The following MDN1 variants were observed in gnomAD, a reference collection of about 807,000 sequenced individuals.
MDN1 encodes the protein midasin AAA ATPase 1.
In MDN1, 266 loss-of-function variants were observed where a neutral mutation model predicts 669.2. That is an observed-to-expected ratio of 0.40 (90% confidence interval 0.36 to 0.44). The LOEUF is 0.44. MDN1 is among the 20% of genes least tolerant of loss of function. The pLI is 1.00. For synonymous variants in MDN1, 2,385 were observed against 2,457.1 expected (o/e 0.97, Z 0.87); for missense variants, 5,940 against 6,754.0 (o/e 0.88, Z 4.22).
chr6:89,683,335 C>T lies in MDN1; in HGVS notation c.11904-5G>A, dbSNP rs374140007. ...TTCATGAATTTAAAGAGTGTCCTGT[C>T]CCCAGGTAATGACAGAGATAAGAAG... On this transcript the variant is annotated splice_polypyrimidine_tract_variant and splice_region_variant and intron_variant, in intron 72 of 101. Transcript: ENST00000369393. The T allele has an allele frequency of 1.1e-5, 17 of 1,613,094 alleles. No homozygotes were observed. In the African/African-American group the frequency reaches 2.1e-4, roughly 20 times the overall value.
intron 36 of MDN1, 117 bp downstream of exon 36, chr6:89,728,814 G>T: frequency 8.7e-7 from 1 of 1,152,842 alleles, no homozygotes; most frequent in Non-Finnish European, 1.2e-6. Context: ...GAAAAGAAAA[G>T]AAAAGAAAAA....
chr6:89,726,890 C>A (rs1815271701), intron 37 of MDN1, among the ~76,000 whole-genome samples: 1 of 152,116 alleles, frequency 6.6e-6, no homozygotes, highest in South Asian at 2.1e-4. Flanking sequence ...AGCACAAACA[C>A]TTCTGTATAT....
Position 89,694,288 on chromosome 6 carries a change from G to C in MDN1, c.9772-105C>G. 4.4e-6 allele frequency: 4 copies of C among 912,902 alleles called. No homozygotes were observed. The South Asian group carries it at 5.7e-5, about 13-fold the overall frequency. The allele number at this position is 912,902 out of a possible 1,614,324, so 56.6% of individuals were successfully genotyped here. On this transcript the variant is annotated intron_variant, in intron 61 of 101. Coordinates refer to ENST00000369393, the MANE Select transcript of MDN1 (RefSeq NM_014611.3). ...GAGGAACAAGATGGAAGGAATCTGGGTTCCTGAATGACCCAAGGAGAGGTG... is the reference window on the plus strand; with the variant it reads ...GAGGAACAAGATGGAAGGAATCTGGCTTCCTGAATGACCCAAGGAGAGGTG...
chr6:89,676,579 CAG>C (rs943256597), intron 76 of MDN1, among the ~76,000 whole-genome samples: 1 of 152,158 alleles, frequency 6.6e-6, no homozygotes, highest in Non-Finnish European at 1.5e-5. Flanking sequence ...GGGGAAGACA[CAG>C]GGGTTGTTGA....
At chr6:89,795,161 T>C (rs1408791160) in intron 2 of MDN1, among the ~76,000 whole-genome samples, 4 of 152,182 alleles carry the variant, frequency 2.6e-5, no homozygotes, top group Non-Finnish European at 4.4e-5. Flanking sequence ...GGGTACTTAA[T>C]GTAAGTGTTT....
At chr6:89,788,000 T>G (rs769425892) in intron 7 of MDN1, 43 bp from the exon 8 acceptor site, 2 of 1,490,464 alleles carry the variant, frequency 1.3e-6, no homozygotes, top group South Asian at 1.2e-5. Flanking sequence ...GTAAAGCTAT[T>G]AAGACAGAAA....
chr6:89,771,538 A>C (rs1444519371), intron 15 of MDN1, 23 bp downstream of exon 15: 2 of 1,598,578 alleles, frequency 1.3e-6, no homozygotes, highest in Non-Finnish European at 8.5e-7. Context: ...AAAAATAAGA[A>C]AAAAATTTTA....
chr6:89,803,890 C>CTTTCT (rs377468650), intron 1 of MDN1, among the ~76,000 whole-genome samples: 1,200 of 92,962 alleles, frequency 0.013, 91 homozygotes, highest in East Asian at 0.042. Context: ...CTTTTCTTTT[C>CTTTCT]TTTTCTTTTT....
intron 69 of MDN1, 81 bp from the exon 70 acceptor site, chr6:89,686,054 G>A: frequency 7.2e-7 from 1 of 1,384,620 alleles, no homozygotes; most frequent in South Asian, 1.4e-5. Flanking sequence ...ATCTATTTGG[G>A]ATACTACGGA....
intron 1 of MDN1, among the ~76,000 whole-genome samples, chr6:89,813,078 T>G (rs1415362530): frequency 1.3e-5 from 2 of 152,108 alleles, no homozygotes; most frequent in Non-Finnish European, 2.9e-5. Context: ...GTAGCTGGGA[T>G]TATAGGCATG....
intron 101 of MDN1, among the ~76,000 whole-genome samples, chr6:89,644,658 A>C (rs1279936399): frequency 6.6e-6 from 1 of 152,204 alleles, no homozygotes; most frequent in Non-Finnish European, 1.5e-5. Flanking sequence ...CTCCATTTCA[A>C]AGTGGTCAGT....
At chr6:89,743,781 T>A in intron 29 of MDN1, 67 bp from the exon 30 acceptor site, 1 of 1,415,598 alleles carries the variant, frequency 7.1e-7, no homozygotes, top group Middle Eastern at 1.8e-4. Flanking sequence ...ACACCCCCCC[T>A]CAGCAAAAGA....
Position 89,671,997 on chromosome 6 carries a change from G to A in MDN1, c.13794+203C>T, listed in dbSNP as rs534661205. Among the ~76,000 whole-genome samples the A allele has an allele frequency of 9.8e-5, 15 of 152,332 alleles. No individual in the cohort carries two copies. In the South Asian group the frequency reaches 3.1e-3, roughly 32 times the overall value. On this transcript the variant is annotated intron_variant, in intron 82 of 101. Coordinates refer to ENST00000369393, the MANE Select transcript of MDN1 (RefSeq NM_014611.3). ...GAATGGTTAGCATTTCTGCACCTATGCATCTAACAATTAGCTAGCAAGCCC... is the reference window on the plus strand; with the variant it reads ...GAATGGTTAGCATTTCTGCACCTATACATCTAACAATTAGCTAGCAAGCCC...
intron 62 of MDN1, 43 bp from the exon 63 acceptor site, chr6:89,693,191 G>T: frequency 7.1e-7 from 1 of 1,402,868 alleles, no homozygotes; most frequent in South Asian, 1.4e-5. Context: ...GTCAGAAGAA[G>T]AGCAGCAAAT....
At position 89,665,491 on chromosome 6, in the gene MDN1, G is replaced by A. The variant is rs6906342; in HGVS notation, c.14095-863C>T. 6.3e-3 allele frequency among the ~76,000 whole-genome samples: 877 copies of A among 139,144 alleles called. 10 individuals are homozygous for A. The highest frequency in any genetic ancestry group is 0.022 in the African/African-American group (833 of 37,234). The allele number at this position is 139,144 out of a possible 152,430, so 91.3% of individuals were successfully genotyped here. A position where few individuals can be genotyped will look rare whatever the true frequency, so the allele number is the denominator to read the frequency against. On this transcript the variant is annotated intron_variant, in intron 84 of 101. Transcript: ENST00000369393. ...TGGGAGGCTGAGGCGGGTGGATCAC[G>A]CAGTCAGGAGTTTGAGACCAGCCTG...
chr6:89,713,749 T>C (rs1472781938), intron 46 of MDN1, among the ~76,000 whole-genome samples: 1 of 152,076 alleles, frequency 6.6e-6, no homozygotes, highest in Non-Finnish European at 1.5e-5. Flanking sequence ...GCAGAACTAA[T>C]GTAAAGATTA....
chr6:89,749,907 G>A (rs1482428937), intron 24 of MDN1, among the ~76,000 whole-genome samples, 156 bp from the exon 25 acceptor site: 3 of 152,190 alleles, frequency 2.0e-5, no homozygotes, highest in Non-Finnish European at 4.4e-5. Context: ...TGACACTGCA[G>A]ATCAAGGAGG....
At chr6:89,805,331 G>A (rs1468986185) in intron 1 of MDN1, among the ~76,000 whole-genome samples, 2 of 151,980 alleles carry the variant, frequency 1.3e-5, no homozygotes, top group African/African-American at 2.4e-5. Flanking sequence ...CCCTTAAGCC[G>A]ACGAGTTCAA....
intron 100 of MDN1, 40 bp from the exon 101 acceptor site, chr6:89,645,197 C>A (rs1808417820): frequency 7.7e-6 from 12 of 1,559,768 alleles, no homozygotes; most frequent in Non-Finnish European, 1.1e-5. Context: ...ATAAAATGAA[C>A]AGCCATTTTT....
Sources: gnomAD v4.1 joint callset for allele counts (sites outside exome capture counted in the v4.1 genomes callset) on GRCh38, gnomAD v4.1.1 for gene constraint, MANE v1.5 for transcripts, NCBI Gene and HGNC (gene_info 2026-07-23, HGNC 2026-07-21) for gene names.